A2ML1: variants seen among roughly 807,000 people sequenced by gnomAD.
A2ML1 encodes alpha-2-macroglobulin-like protein 1.
Under a neutral mutation model 181.9 loss-of-function variants are expected in A2ML1, and 161 were observed. That is an observed-to-expected ratio of 0.89 (90% CI 0.78 to 1.01). The LOEUF (loss-of-function observed/expected upper bound fraction) is 1.01. Ranked by LOEUF, A2ML1 falls within the 50% of genes least tolerant of loss-of-function variation. A2ML1 has a pLI of 0.00. For missense variants in A2ML1, 1,670 were observed against 1,768.1 expected, an observed-to-expected ratio of 0.94 and a Z score of 1.00; for synonymous variants, 663 against 666.8, an observed-to-expected ratio of 0.99 and a Z score of 0.09.
chr12:8,845,937 T>C (rs2136835734), intron 13 of A2ML1, 140 bp from the exon 14 acceptor site: 1 of 724,186 alleles, frequency 1.4e-6, no homozygotes, highest in Non-Finnish European at 2.1e-6. Flanking sequence ...CACTAACAGT[T>C]ATCACAGGAG....
chr12:8,876,874 G>A (rs1390452109), downstream of A2ML1: 1 of 152,072 alleles, frequency 6.6e-6, no homozygotes, highest in Admixed American at 6.6e-5. Flanking sequence ...TCACAGTTTG[G>A]TTTCTTCCTT....
rs1176792380 is a variant in A2ML1, at chr12:8,822,646, A to G, written c.-6A>G. 3 of 1,613,732 alleles carry G rather than the reference A, an allele frequency of 1.9e-6. No homozygotes were observed. Among genetic ancestry groups the G allele is most frequent in the Non-Finnish European group, 2.5e-6 (3 of 1,179,750 alleles). ...GACCCTGGAAAAATCTGTCTCACCC[A>G]CAAAGATGTGGGCTCAGCTCCTTCT... is the stretch of plus-strand genomic sequence containing the variant. On this transcript the variant is annotated 5_prime_UTR_variant, in exon 1 of 36. Transcript: ENST00000299698.
chr12:8,872,373 T>A (rs1184078618), intron 33 of A2ML1, among the ~76,000 whole-genome samples: 1 of 152,080 alleles, frequency 6.6e-6, no homozygotes, highest in Non-Finnish European at 1.5e-5. Context: ...GTTTTAACTA[T>A]TGGTCTTTAT....
intron 7 of A2ML1, 26 bp downstream of exon 7, chr12:8,836,365 T>A: frequency 1.9e-6 from 3 of 1,594,252 alleles, no homozygotes; most frequent in Non-Finnish European, 2.6e-6. Context: ...TGGGATCTGG[T>A]GGAGATTAAA....
chr12:8,834,528 C>A, intron 4 of A2ML1, 134 bp from the exon 5 acceptor site: 1 of 1,068,774 alleles, frequency 9.4e-7, no homozygotes, highest in Non-Finnish European at 1.4e-6. Flanking sequence ...CACAAAAGAG[C>A]CATTTAGAAA....
At chr12:8,829,556 G>A (rs1943041120) in intron 3 of A2ML1, among the ~76,000 whole-genome samples, 171 bp from the exon 4 acceptor site, 1 of 151,902 alleles carries the variant, frequency 6.6e-6, no homozygotes, top group South Asian at 2.1e-4. Context: ...TCCGGAGGCT[G>A]GGGTGGGAGA....
In A2ML1 at chr12:8,846,141, G is replaced by T; in HGVS notation, c.1602G>T (p.Leu534=). Residue 534 remains leucine, a synonymous_variant, in exon 14 of 36, where the codon CTG becomes CTT. Transcript: ENST00000299698. ...CGAGACTGGCCCCTGATCCTTCCCT[G>T]GTGATCTATGCCATTTTTCCCAGTG... ...FTSRLAPDPS[L]VIYAIFPSGG... 6.2e-7 allele frequency: 1 copy of T among 1,614,170 alleles called. No individual in the cohort carries two copies. The highest frequency in any genetic ancestry group is 8.5e-7 in the Non-Finnish European group (1 of 1,180,026).
At chr12:8,870,296 C>G (rs745986583) in intron 33 of A2ML1, among the ~76,000 whole-genome samples, 21 of 151,668 alleles carry the variant, frequency 1.4e-4, no homozygotes, top group Non-Finnish European at 2.9e-4. Context: ...GAGACGCAGT[C>G]TCGCTCTGTC....
chr12:8,851,684 G>A (rs1943893220), intron 18 of A2ML1, 100 bp from the exon 19 acceptor site: 6 of 1,110,874 alleles, frequency 5.4e-6, no homozygotes, highest in Non-Finnish European at 6.5e-6. Flanking sequence ...GGGATTACAA[G>A]TGTAAGCCAG....
intron 34 of A2ML1, 45 bp from the exon 35 acceptor site, chr12:8,874,926 A>G (rs368773172): frequency 3.7e-6 from 6 of 1,600,976 alleles, no homozygotes; most frequent in African/African-American, 1.3e-5. Flanking sequence ...CCCTCTGAAT[A>G]TAGGAGGCCC....
intron 18 of A2ML1, 120 bp from the exon 19 acceptor site, chr12:8,851,664 T>G: frequency 1.1e-6 from 1 of 920,066 alleles, no homozygotes; most frequent in South Asian, 1.6e-5. Context: ...CCTCAGCCTC[T>G]CAAAGAGCTG....
chr12:8,823,948 G>A (rs2136698665), intron 3 of A2ML1, 66 bp downstream of exon 3: 2 of 1,513,754 alleles, frequency 1.3e-6, no homozygotes, highest in East Asian at 2.3e-5. Context: ...GGGTAAAGAG[G>A]GGATTTGTGG....
intron 7 of A2ML1, among the ~76,000 whole-genome samples, chr12:8,885,259 A>C (rs1944910955): frequency 6.6e-6 from 1 of 152,154 alleles, no homozygotes; most frequent in Admixed American, 6.6e-5. Flanking sequence ...CTATTTAAGA[A>C]TCTTGCCTGG....
Position 8,823,881 on chromosome 12 carries a change from A to G in A2ML1, c.408A>G (p.Gln136=). 6.2e-7 allele frequency: 1 copy of G among 1,610,018 alleles called. No homozygotes were observed. Among genetic ancestry groups the G allele is most frequent in the Non-Finnish European group, 8.5e-7 (1 of 1,177,678 alleles). The change falls in exon 3 of 36, where the codon CAA becomes CAG. Residue 136 remains glutamine (Q), a splice_region_variant and synonymous_variant. Coordinates refer to ENST00000299698, the MANE Select transcript of A2ML1 (RefSeq NM_144670.6). The stretch of plus-strand genomic sequence containing the variant: ...AACCTCTCTACACCCCAGGGCAGCA[A>G]GGTAAGAGTCACATATTTGGGGTTC... ...TDKPLYTPGQ[Q]VYFRIVTMDS...
intron 2 of A2ML1, 47 bp from the exon 3 acceptor site, chr12:8,823,673 T>C (rs1942823416): frequency 6.3e-7 from 1 of 1,584,604 alleles, no homozygotes; most frequent in Admixed American, 1.8e-5. Flanking sequence ...GTTGATTCTG[T>C]TCCCCCAATC....
rs754848123 is a variant in A2ML1 at position 8,846,061 on chromosome 12, C to T, written c.1538-16C>T. 15 of 1,613,822 alleles carry T rather than the reference C, an allele frequency of 9.3e-6. No homozygotes were observed. The South Asian group carries it at 1.2e-4, about 13-fold the overall frequency. On this transcript the variant is annotated splice_polypyrimidine_tract_variant and intron_variant, in intron 13 of 35. Transcript: ENST00000299698. ...GTGCATTCTGATTTTCCTGTATATT[C>T]CCTCTTCTCTTTCAGGACTGAAAGC...
chr12:8,858,370 C>T, intron 26 of A2ML1: 1 of 316,588 alleles, frequency 3.2e-6, no homozygotes, highest in Non-Finnish European at 5.8e-6. Flanking sequence ...ATCGTTTGGG[C>T]CCAGGAGTTT....
intron 3 of A2ML1, among the ~76,000 whole-genome samples, chr12:8,824,673 C>T (rs1242001582): frequency 2.6e-5 from 4 of 152,020 alleles, no homozygotes; most frequent in Non-Finnish European, 4.4e-5. Context: ...ATTACCCTTC[C>T]CAGCATCTGG....
intron 3 of A2ML1, among the ~76,000 whole-genome samples, chr12:8,828,052 C>CT (rs1942987252): frequency 6.6e-6 from 1 of 152,214 alleles, no homozygotes; most frequent in Non-Finnish European, 1.5e-5. Flanking sequence ...TGGGTCAGAT[C>CT]TGAAGCCAGC....
Sources: gnomAD v4.1 joint callset for allele counts (sites outside exome capture counted in the v4.1 genomes callset) on GRCh38, gnomAD v4.1.1 for gene constraint, MANE v1.5 for transcripts, NCBI Gene and HGNC (gene_info 2026-07-23, HGNC 2026-07-21) for gene names.